The following C8orf34 variants were observed in gnomAD, a reference collection of about 807,000 sequenced individuals.
The protein encoded by C8orf34 is chromosome 8 open reading frame 34, also known as uncharacterized protein C8orf34.
In C8orf34, 65 loss-of-function variants were observed where a neutral mutation model predicts 68.3. That is an observed-to-expected ratio of 0.95 (90% confidence interval 0.78 to 1.17). The LOEUF is 1.17. Among genes scored for constraint, C8orf34 ranks in the 50% most tolerant of loss-of-function variants. The pLI is 0.00. For synonymous variants in C8orf34, 244 were observed against 241.2 expected (o/e 1.01, Z -0.11); for missense variants, 664 against 655.4 (o/e 1.01, Z -0.14).
chr8:68,577,361 T>C (rs1161903682), intron 7 of C8orf34, among the ~76,000 whole-genome samples: 1 of 152,016 alleles, frequency 6.6e-6, no homozygotes, highest in Non-Finnish European at 1.5e-5. Flanking sequence ...GAGAGAGGAA[T>C]TATCATATAG....
rs80088447 is a variant in C8orf34, at chr8:68,451,146, C to G, written c.607+4686C>G. 7.9e-3 allele frequency among the ~76,000 whole-genome samples: 1,205 copies of G among 152,136 alleles called. 17 individuals carry two copies. Among genetic ancestry groups the G allele is most frequent in the African/African-American group, 0.026 (1,097 of 41,552 alleles). ...ACATGAACCAACATCTGCTAGCTTT[C>G]AAATTTTCTTCTGCAGATTCCTCAG... is the stretch of plus-strand genomic sequence containing the variant. On this transcript the variant is annotated intron_variant, in intron 3 of 13. Transcript: ENST00000518698.
At chr8:68,707,637 G>A (rs1004385463) in intron 8 of C8orf34, among the ~76,000 whole-genome samples, 6 of 151,934 alleles carry the variant, frequency 3.9e-5, no homozygotes, top group East Asian at 1.9e-4. Context: ...GTGCAGTGGC[G>A]TGATCATGGC....
At chr8:68,646,951 T>C (rs947583755) in intron 8 of C8orf34, among the ~76,000 whole-genome samples, 1 of 152,178 alleles carries the variant, frequency 6.6e-6, no homozygotes, top group African/African-American at 2.4e-5. Context: ...CACTGTGACA[T>C]GCTGTTTTTA....
chr8:68,600,110 G>A (rs946089928), intron 7 of C8orf34, among the ~76,000 whole-genome samples: 10 of 152,130 alleles, frequency 6.6e-5, no homozygotes, highest in African/African-American at 2.2e-4. Context: ...AACTCCCATC[G>A]TTATTGGTTT....
intron 1 of C8orf34, among the ~76,000 whole-genome samples, chr8:68,420,317 T>G (rs561448414): frequency 4.5e-4 from 69 of 152,262 alleles, no homozygotes; most frequent in African/African-American, 1.5e-3. Context: ...ATACAGTACA[T>G]TAATTCTCAC....
intron 2 of C8orf34, among the ~76,000 whole-genome samples, chr8:68,441,574 C>T (rs190823422): frequency 5.9e-5 from 9 of 152,206 alleles, no homozygotes; most frequent in Admixed American, 3.3e-4. Flanking sequence ...TCATAGTTCA[C>T]TATAACCGTG....
chr8:68,498,512 C>A (rs921770327), intron 5 of C8orf34, among the ~76,000 whole-genome samples: 1 of 152,088 alleles, frequency 6.6e-6, no homozygotes, highest in African/African-American at 2.4e-5. Flanking sequence ...ACTCTAAGGA[C>A]AGGGAGAACA....
At chr8:68,633,702 T>G (rs1227543499) in intron 7 of C8orf34, among the ~76,000 whole-genome samples, 1 of 151,984 alleles carries the variant, frequency 6.6e-6, no homozygotes, top group Non-Finnish European at 1.5e-5. Context: ...GGCACTGGGC[T>G]GGATATTGTA....
intron 5 of C8orf34, among the ~76,000 whole-genome samples, chr8:68,500,909 G>A (rs953676500): frequency 6.6e-6 from 1 of 152,244 alleles, no homozygotes; most frequent in Admixed American, 6.5e-5. Flanking sequence ...TGCAGACAGG[G>A]AGGCAGAAGA....
intron 7 of C8orf34, among the ~76,000 whole-genome samples, chr8:68,584,805 T>A (rs1222666389): frequency 6.6e-6 from 1 of 152,192 alleles, no homozygotes. Flanking sequence ...ATATTTGGCA[T>A]GATAAAAATA....
intron 9 of C8orf34, among the ~76,000 whole-genome samples, chr8:68,719,450 T>C (rs1821605912): frequency 6.6e-6 from 1 of 152,066 alleles, no homozygotes; most frequent in Admixed American, 6.5e-5. Flanking sequence ...TAAATGTTCA[T>C]CTTTGTTAAA....
intron 8 of C8orf34, among the ~76,000 whole-genome samples, chr8:68,653,341 C>T (rs187381054): frequency 3.5e-4 from 53 of 152,306 alleles, no homozygotes; most frequent in African/African-American, 1.2e-3. Flanking sequence ...GTATCTTACT[C>T]TGTATAGCAA....
chr8:68,792,722 A>G (rs1053553938), intron 12 of C8orf34, among the ~76,000 whole-genome samples: 5 of 151,956 alleles, frequency 3.3e-5, no homozygotes, highest in African/African-American at 7.2e-5. Flanking sequence ...TAGTTACTGA[A>G]ATTAAAAACT....
rs114387372 is a variant in C8orf34, at chr8:68,344,199, G to C, written c.327+12860G>C. Among the ~76,000 whole-genome samples the C allele has an allele frequency of 7.9e-3, 1,194 of 151,852 alleles. 19 individuals are homozygous for C. Among genetic ancestry groups the C allele is most frequent in the African/African-American group, 0.027 (1,098 of 41,384 alleles). On this transcript the variant is annotated intron_variant, in intron 1 of 13. Coordinates refer to ENST00000518698, the MANE Select transcript of C8orf34 (RefSeq NM_052958.4). Reference sequence around the variant, plus strand: ...TGGCTGAATCATTAAACAAATGTGGGGCATCCATGACATGGAATACTATTC... The same window carrying C: ...TGGCTGAATCATTAAACAAATGTGGCGCATCCATGACATGGAATACTATTC...
chr8:68,736,325 A>G (rs1166150947), intron 10 of C8orf34, among the ~76,000 whole-genome samples: 1 of 152,156 alleles, frequency 6.6e-6, no homozygotes, highest in African/African-American at 2.4e-5. Context: ...TATTATTTCA[A>G]CAAACCTAGA....
intron 7 of C8orf34, among the ~76,000 whole-genome samples, chr8:68,576,889 C>A (rs1361613023): frequency 6.6e-6 from 1 of 151,870 alleles, no homozygotes; most frequent in Non-Finnish European, 1.5e-5. Context: ...TGCACACAAA[C>A]CAATTAATTT....
At chr8:68,575,429 C>T (rs553860993) in intron 7 of C8orf34, among the ~76,000 whole-genome samples, 1 of 152,120 alleles carries the variant, frequency 6.6e-6, no homozygotes, top group Admixed American at 6.6e-5. Flanking sequence ...ACTGTCACTT[C>T]CTGACGTATT....
chr8:68,399,710 T>C lies in C8orf34; in HGVS notation c.328-39789T>C, dbSNP rs528323506. Among the ~76,000 whole-genome samples the C allele has an allele frequency of 1.9e-4, 29 of 152,312 alleles. No individual in the cohort carries two copies. In the South Asian group the frequency reaches 3.7e-3, roughly 20 times the overall value. ...ATTGCTGGATCAAATGGTAATTCTA[T>C]TTTCAGTTCTTTCAGAAATCTGCAT... On this transcript the variant is annotated intron_variant, in intron 1 of 13. Coordinates refer to ENST00000518698, the MANE Select transcript of C8orf34 (RefSeq NM_052958.4).
intron 10 of C8orf34, among the ~76,000 whole-genome samples, chr8:68,740,957 T>G (rs565954736): frequency 6.6e-6 from 1 of 152,292 alleles, no homozygotes; most frequent in Admixed American, 6.5e-5. Flanking sequence ...GAGGCTATTA[T>G]CCTTAGCATA....
Sources: allele counts gnomAD v4.1 joint callset (sites outside exome capture counted in the v4.1 genomes callset), GRCh38; gene constraint gnomAD v4.1.1; transcripts MANE v1.5; gene names NCBI Gene and HGNC (gene_info 2026-07-23, HGNC 2026-07-21).